PCDHA2: variants seen among roughly 807,000 people sequenced by gnomAD.
PCDHA2 encodes the protein protocadherin alpha 2.
A neutral mutation model predicts 66.0 loss-of-function variants in PCDHA2; 58 were observed. The observed-to-expected ratio is 0.88, with a 90% confidence interval of 0.71 to 1.09. The LOEUF is 1.09. Ranked by LOEUF, PCDHA2 falls within the 50% of genes least tolerant of loss-of-function variation. The pLI is 0.00. For missense variants in PCDHA2, 1,267 were observed against 1,242.3 expected (o/e 1.02, Z -0.30); for synonymous variants, 634 against 554.0 (o/e 1.14, Z -2.03).
chr5:140,829,430 G>C (rs2150167719), intron 1 of PCDHA2: 5 of 1,614,092 alleles, frequency 3.1e-6, no homozygotes, highest in South Asian at 1.1e-5. Flanking sequence ...GGAGGTGGCC[G>C]ACATGAATGA....
At chr5:140,805,479 G>C in intron 1 of PCDHA2, 1 of 998,068 alleles carries the variant, frequency 1.0e-6, no homozygotes, top group Non-Finnish European at 1.2e-6. Flanking sequence ...TCAATAGAGA[G>C]GGAGCGTAAA....
chr5:140,842,750 G>A, intron 1 of PCDHA2: 1 of 1,595,036 alleles, frequency 6.3e-7, no homozygotes, highest in Non-Finnish European at 8.6e-7. Context: ...CATCTTCACG[G>A]TGTCTGCGCG....
chr5:140,941,820 C>T (rs2093176252), intron 1 of PCDHA2, among the ~76,000 whole-genome samples: 1 of 152,160 alleles, frequency 6.6e-6, no homozygotes, highest in Non-Finnish European at 1.5e-5. Flanking sequence ...AGGATGACTG[C>T]TGTAAATAAT....
intron 1 of PCDHA2, among the ~76,000 whole-genome samples, chr5:140,833,816 G>T (rs1183513808): frequency 6.6e-6 from 1 of 151,956 alleles, no homozygotes; most frequent in Non-Finnish European, 1.5e-5. Flanking sequence ...TGAGATCCTG[G>T]GTCCCTAAAA....
chr5:140,942,680 A>C (rs2093354394), intron 1 of PCDHA2, among the ~76,000 whole-genome samples: 1 of 152,218 alleles, frequency 6.6e-6, no homozygotes, highest in African/African-American at 2.4e-5. Context: ...AAGTTTTAGG[A>C]ATAACTTTAA....
intron 1 of PCDHA2, chr5:140,869,685 T>G: frequency 6.2e-7 from 1 of 1,613,500 alleles, no homozygotes; most frequent in Non-Finnish European, 8.5e-7. Flanking sequence ...GACTGTCACT[T>G]ATTTTAAAGA....
rs185275722 is a variant in PCDHA2 at position 140,880,200 on chromosome 5, G to A, written c.2388+82848G>A. Among the ~76,000 whole-genome samples the A allele has an allele frequency of 2.9e-3, 441 of 152,242 alleles. 2 individuals are homozygous for A. The highest frequency in any genetic ancestry group is 9.7e-3 in the African/African-American group (402 of 41,548). ...TGAAGGGAAAAAGATAAACAGAAGA[G>A]GTTTTCCACCAGAAGTAGAACATTT... is the stretch of plus-strand genomic sequence containing the variant. On this transcript the variant is annotated intron_variant, in intron 1 of 3. Coordinates refer to ENST00000526136, the MANE Select transcript of PCDHA2 (RefSeq NM_018905.3).
At chr5:140,803,352 A>G in intron 1 of PCDHA2, 1 of 1,614,144 alleles carries the variant, frequency 6.2e-7, no homozygotes, top group Non-Finnish European at 8.5e-7. Flanking sequence ...GCTGCTATAT[A>G]CTGCTCTGCG....
chr5:140,856,435 G>T, intron 1 of PCDHA2: 3 of 1,598,320 alleles, frequency 1.9e-6, no homozygotes, highest in Non-Finnish European at 2.6e-6. Flanking sequence ...ACGACAACCC[G>T]CCCAGGTTCT....
chr5:140,873,568 G>T (rs1319513835), intron 1 of PCDHA2, among the ~76,000 whole-genome samples: 1 of 149,090 alleles, frequency 6.7e-6, no homozygotes, highest in East Asian at 1.9e-4. Context: ...TTTCTAGTTT[G>T]GTTGTTTAAG....
chr5:140,803,798 T>C, intron 1 of PCDHA2: 1 of 793,240 alleles, frequency 1.3e-6, no homozygotes, highest in Admixed American at 3.0e-5. Context: ...ATATCCACAC[T>C]TGTAATTTTG....
chr5:140,942,601 G>T (rs562403777), intron 1 of PCDHA2, among the ~76,000 whole-genome samples: 1 of 130,586 alleles, frequency 7.7e-6, no homozygotes, highest in South Asian at 2.4e-4. Flanking sequence ...TAATTATAGT[G>T]TTTATATTTG....
At chr5:140,842,727 C>T (rs1554139317) in intron 1 of PCDHA2, 3 of 1,594,926 alleles carry the variant, frequency 1.9e-6, no homozygotes, top group Non-Finnish European at 1.7e-6. Context: ...GAGAACAACC[C>T]GCCGGGCTGC....
chr5:140,869,210 C>T (rs781978731), intron 1 of PCDHA2: 2 of 1,613,814 alleles, frequency 1.2e-6, no homozygotes, highest in African/African-American at 2.7e-5. Context: ...TACTCCGTCT[C>T]GGAGGAGGCC....
chr5:140,863,936 G>A (rs1554158535), intron 1 of PCDHA2: 2 of 160,752 alleles, frequency 1.2e-5, no homozygotes, highest in African/African-American at 4.8e-5. Context: ...AGGAGGCAGA[G>A]GTTGCGGTGA....
chr5:140,856,399 T>G (rs782023286), intron 1 of PCDHA2: 1 of 1,598,492 alleles, frequency 6.3e-7, no homozygotes, highest in Non-Finnish European at 8.6e-7. Flanking sequence ...AGGTTTTCCA[T>G]GTGGACGTGG....
At chr5:141,009,095 A>G (rs1304233331) in intron 3 of PCDHA2, among the ~76,000 whole-genome samples, 3 of 152,214 alleles carry the variant, frequency 2.0e-5, no homozygotes, top group Admixed American at 6.5e-5. Context: ...AGAACCAAAC[A>G]TATGTTACTA....
In PCDHA2 at chr5:140,830,082, C is replaced by T. The variant is rs1330292023; in HGVS notation, c.2388+32730C>T. On this transcript the variant is annotated intron_variant, in intron 1 of 3. Coordinates refer to ENST00000526136, the MANE Select transcript of PCDHA2 (RefSeq NM_018905.3). ...GAGCCGGCGCTGACAGCGACGGCCA[C>T]GGTTCTGGTGTCGCTGGTGGAGAGT... 8.7e-6 allele frequency: 14 copies of T among 1,613,566 alleles called. No homozygotes were observed. The highest frequency in any genetic ancestry group is 1.3e-5 in the African/African-American group (1 of 75,018).
chr5:140,802,505 G>A (rs376536820), intron 1 of PCDHA2: 1 of 1,614,044 alleles, frequency 6.2e-7, no homozygotes, highest in African/African-American at 1.3e-5. Flanking sequence ...CTTCACTGTG[G>A]GCCACGGCCA....
Sources: gnomAD v4.1 joint callset for allele counts (sites outside exome capture counted in the v4.1 genomes callset) on GRCh38, gnomAD v4.1.1 for gene constraint, MANE v1.5 for transcripts, NCBI Gene and HGNC (gene_info 2026-07-23, HGNC 2026-07-21) for gene names.